GIPC3: variants seen among roughly 807,000 people sequenced by gnomAD.
GIPC3 encodes the protein PDZ domain-containing protein GIPC3.
A neutral mutation model predicts 27.3 loss-of-function variants in GIPC3; 16 were observed. The ratio of observed to expected loss-of-function variants is 0.59; its 90% CI spans 0.40 to 0.89. The LOEUF is 0.89. Ranked by LOEUF, GIPC3 falls within the 40% of genes least tolerant of loss-of-function variation. The pLI, the probability that GIPC3 is intolerant of heterozygous loss-of-function variation, is 0.00. For missense variants in GIPC3, 440 were observed against 442.1 expected (o/e 1.00, Z 0.04); for synonymous variants, 194 against 184.6 (o/e 1.05, Z -0.41).
chr19:3,589,982 C>A (rs572039441), intron 5 of GIPC3, 57 bp from the exon 6 acceptor site: 4 of 1,613,290 alleles, frequency 2.5e-6, no homozygotes, highest in South Asian at 1.1e-5. Context: ...GGGGTCCCAG[C>A]GGGAAGTTGG....
At chr19:3,589,681 T>C (rs1272355322) in intron 4 of GIPC3, 126 bp downstream of exon 4, 5 of 1,123,564 alleles carry the variant, frequency 4.5e-6, no homozygotes, top group East Asian at 2.4e-5. Context: ...TGGGTCCTCA[T>C]TGAAAAGTGG....
rs1303772906 is a variant in GIPC3, at chr19:3,592,700, C to T, written c.*2510C>T. ...AACTTAGTTCCAGAACCCAGTCCAGCTCTGAGACCGGGCTCAGCTCTGAAA... is the reference window on the plus strand; with the variant it reads ...AACTTAGTTCCAGAACCCAGTCCAGTTCTGAGACCGGGCTCAGCTCTGAAA... On this transcript the variant is annotated 3_prime_UTR_variant, in exon 6 of 6. Coordinates refer to ENST00000644452, the MANE Select transcript of GIPC3 (RefSeq NM_133261.3). The T allele has an allele frequency of 2.4e-6, 3 of 1,229,936 alleles. No homozygotes were observed. In the African/African-American group the frequency reaches 4.7e-5, roughly 19 times the overall value. 76.2% of individuals were successfully genotyped at this position (1,229,936 alleles called of 1,614,324 possible).
chr19:3,585,907 A>C, intron 1 of GIPC3, 85 bp downstream of exon 1: 1 of 1,476,986 alleles, frequency 6.8e-7, no homozygotes, highest in Non-Finnish European at 9.0e-7. Flanking sequence ...GGGAGACCCC[A>C]GATCCCCGGA....
Position 3,591,146 on chromosome 19 carries a change from G to T in GIPC3, c.*956G>T, listed in dbSNP as rs1254497062. 1.6e-6 allele frequency: 2 copies of T among 1,233,028 alleles called. No homozygotes were observed. The highest frequency in any genetic ancestry group is 2.0e-6 in the Non-Finnish European group (2 of 988,792). 76.4% of individuals were successfully genotyped at this position (1,233,028 alleles called of 1,614,324 possible). A position where few individuals can be genotyped will look rare whatever the true frequency, so the allele number is the denominator to read the frequency against. ...AGACCAAGCCCAGCTCTAGAACCCA[G>T]ATAAGCTCTGAAACCAATCCCAGCA... On this transcript the variant is annotated 3_prime_UTR_variant, in exon 6 of 6. Coordinates refer to ENST00000644452, the MANE Select transcript of GIPC3 (RefSeq NM_133261.3).
chr19:3,585,639 C>T lies in GIPC3; in HGVS notation c.42C>T (p.Thr14=), dbSNP rs2032348670. 8.4e-7 allele frequency: 1 copy of T among 1,192,992 alleles called. No individual in the cohort carries two copies. The highest frequency in any genetic ancestry group is 4.6e-5 in the Admixed American group (1 of 21,898). 73.9% of individuals were successfully genotyped at this position (1,192,992 alleles called of 1,614,324 possible). A position where few individuals can be genotyped will look rare whatever the true frequency, so the allele number is the denominator to read the frequency against. Residue 14 remains threonine (T), a synonymous_variant, in exon 1 of 6, where the codon ACC becomes ACT. Transcript: ENST00000644452. ...AAAREARGTE[T]PRASAPPPAP... is the part of the protein sequence containing the mutation. ...CCCGGGAGGCCCGGGGGACCGAGACCCCGCGCGCGTCTGCGCCCCCGCCCG... is the reference window on the plus strand; with the variant it reads ...CCCGGGAGGCCCGGGGGACCGAGACTCCGCGCGCGTCTGCGCCCCCGCCCG...
At chr19:3,588,640 CAA>C (rs969668918) in intron 3 of GIPC3, among the ~76,000 whole-genome samples, 3 of 73,992 alleles carry the variant, frequency 4.1e-5, no homozygotes, top group African/African-American at 9.2e-5. Context: ...TCCATCGTAT[CAA>C]AAAAAAAAAA....
rs766991127 is a variant in GIPC3 at position 3,589,858 on chromosome 19, C to G, written c.733C>G (p.Arg245Gly). The change falls in exon 5 of 6, where the codon CGG becomes GGG. Residue 245 changes from arginine (R) to glycine (G), a missense_variant. By Grantham distance (125) the Arg-to-Gly change is moderately radical. Transcript: ENST00000644452. Reference protein sequence around the residue: ...APSEFEEEASRKVDDLLESYM... With the variant: ...APSEFEEEASGKVDDLLESYM... The stretch of plus-strand genomic sequence containing the variant: ...CAGTGAGTTTGAGGAGGAGGCATCT[C>G]GGAAGGTTGATGACCTGCTGGAAAG... The G allele has an allele frequency of 2.5e-6, 4 of 1,613,884 alleles. No individual in the cohort carries two copies. The highest frequency in any genetic ancestry group is 1.7e-4 in the Middle Eastern group (1 of 6,044).
Position 3,591,485 on chromosome 19 carries a change from T to C in GIPC3, c.*1295T>C, listed in dbSNP as rs772584298. Reference sequence around the variant, plus strand: ...CCACGATGCAGCCACACCTGGACACTCGGTCTAGCTCCGGAACCCCAGTTA... The same window carrying C: ...CCACGATGCAGCCACACCTGGACACCCGGTCTAGCTCCGGAACCCCAGTTA... On this transcript the variant is annotated 3_prime_UTR_variant, in exon 6 of 6. Coordinates refer to ENST00000644452, the MANE Select transcript of GIPC3 (RefSeq NM_133261.3). 57 of 1,232,244 alleles carry C rather than the reference T, an allele frequency of 4.6e-5. No individual in the cohort carries two copies. The highest frequency in any genetic ancestry group is 5.8e-5 in the Non-Finnish European group (57 of 988,294). 76.3% of individuals were successfully genotyped at this position (1,232,244 alleles called of 1,614,324 possible). A position where few individuals can be genotyped will look rare whatever the true frequency, so the allele number is the denominator to read the frequency against.
rs1014054733 is a variant in GIPC3 at position 3,592,321 on chromosome 19, G to A, written c.*2131G>A. The stretch of plus-strand genomic sequence containing the variant: ...CAACTGGACTTTGGGAAGCAGAGCA[G>A]TTCTGAAAGTCAGCTTAGCTTTGGA... On this transcript the variant is annotated 3_prime_UTR_variant, in exon 6 of 6. Transcript: ENST00000644452. The A allele has an allele frequency of 2.5e-5, 31 of 1,231,956 alleles. No homozygotes were observed. The highest frequency in any genetic ancestry group is 2.7e-5 in the Non-Finnish European group (27 of 987,988). The allele number at this position is 1,231,956 out of a possible 1,614,324, so 76.3% of individuals were successfully genotyped here. A position where few individuals can be genotyped will look rare whatever the true frequency, so the allele number is the denominator to read the frequency against.
rs2032506203 is a variant in GIPC3 at position 3,592,584 on chromosome 19, C to T, written c.*2394C>T. 1 of 1,232,044 alleles carries T rather than the reference C, an allele frequency of 8.1e-7. No individual in the cohort carries two copies. Among genetic ancestry groups the T allele is most frequent in the East Asian group, 3.2e-5 (1 of 31,706 alleles). The allele number at this position is 1,232,044 out of a possible 1,614,324, so 76.3% of individuals were successfully genotyped here. On this transcript the variant is annotated 3_prime_UTR_variant, in exon 6 of 6. Coordinates refer to ENST00000644452, the MANE Select transcript of GIPC3 (RefSeq NM_133261.3). ...TGAGACCAGGCTCAGCTCTGAGGCT[C>T]AGTCCAGCTCTGGAACCCAGTTCAG...
At chr19:3,587,821 G>T (rs1694948027) in intron 3 of GIPC3, among the ~76,000 whole-genome samples, 2 of 151,272 alleles carry the variant, frequency 1.3e-5, no homozygotes, top group South Asian at 4.2e-4. Context: ...CTCCCGAGTA[G>T]CTGGGACTAC....
rs1366918259 is a variant in GIPC3 at position 3,587,058 on chromosome 19, G to A, written c.592+64G>A. 6 of 1,493,494 alleles carry A rather than the reference G, an allele frequency of 4.0e-6. No individual in the cohort carries two copies. In the African/African-American group the frequency reaches 6.9e-5, roughly 17 times the overall value. The allele number at this position is 1,493,494 out of a possible 1,614,324, so 92.5% of individuals were successfully genotyped here. A position where few individuals can be genotyped will look rare whatever the true frequency, so the allele number is the denominator to read the frequency against. ...CGTTCTACGGATGCCTGGGGTGGAG[G>A]AGGGTCGGGGATGGGACGGGCTGGA... On this transcript the variant is annotated intron_variant, in intron 3 of 5. Transcript: ENST00000644452.
Position 3,586,619 on chromosome 19 carries a change from A to T in GIPC3, c.350A>T (p.Lys117Met). ...RGETKEVEVTKTEDALGLTIT... is the reference protein window; with the variant it reads ...RGETKEVEVTMTEDALGLTIT... ...GAGACCAAGGAGGTGGAGGTCACTA[A>T]GACAGAGGATGCTCTGGGGCTGACC... is the stretch of plus-strand genomic sequence containing the variant. Residue 117 changes from lysine to methionine, a missense_variant, in exon 2 of 6, where the codon AAG becomes ATG. Physicochemically the swap from Lys to Met is moderately conservative, Grantham distance 95 (BLOSUM62 -1). Transcript: ENST00000644452. The T allele has an allele frequency of 6.2e-7, 1 of 1,610,698 alleles. No homozygotes were observed. The highest frequency in any genetic ancestry group is 8.5e-7 in the Non-Finnish European group (1 of 1,178,474).
Position 3,585,675 on chromosome 19 carries a change from G to GC in GIPC3, c.83dup (p.Ala29GlyfsTer89). 7.5e-7 allele frequency: 1 copy of GC among 1,329,164 alleles called. No homozygotes were observed. Among genetic ancestry groups the GC allele is most frequent in the Non-Finnish European group, 9.7e-7 (1 of 1,033,244 alleles). 82.3% of individuals were successfully genotyped at this position (1,329,164 alleles called of 1,614,324 possible). A position where few individuals can be genotyped will look rare whatever the true frequency, so the allele number is the denominator to read the frequency against. On this transcript the variant is annotated frameshift_variant, in exon 1 of 6. Coordinates refer to ENST00000644452, the MANE Select transcript of GIPC3 (RefSeq NM_133261.3). LOFTEE classifies it high-confidence loss of function. The stretch of plus-strand genomic sequence containing the variant: ...CTGCGCCCCCGCCCGCGCCCTCGGA[G>GC]CCCCCGGCCGCGCCCCGCGCCCGCC...
intron 3 of GIPC3, 134 bp downstream of exon 3, chr19:3,587,128 G>C: frequency 2.7e-6 from 2 of 744,026 alleles, no homozygotes; most frequent in Admixed American, 4.9e-5. Flanking sequence ...TCCTGGCAGG[G>C]TATCAGAAAC....
In GIPC3 at chr19:3,592,533, C is replaced by G. The variant is rs748588902; in HGVS notation, c.*2343C>G. 3.1e-5 allele frequency: 38 copies of G among 1,208,296 alleles called. No individual in the cohort carries two copies. Among genetic ancestry groups the G allele is most frequent in the Non-Finnish European group, 3.9e-5 (38 of 975,682 alleles). The allele number at this position is 1,208,296 out of a possible 1,614,324, so 74.8% of individuals were successfully genotyped here. On this transcript the variant is annotated 3_prime_UTR_variant, in exon 6 of 6. Coordinates refer to ENST00000644452, the MANE Select transcript of GIPC3 (RefSeq NM_133261.3). Reference sequence around the variant, plus strand: ...AATTCAGCTCAGCCCTGGAGCTCATCTTAGCTCCAGAACCCAGTCCAGTCC... The same window carrying G: ...AATTCAGCTCAGCCCTGGAGCTCATGTTAGCTCCAGAACCCAGTCCAGTCC...
Position 3,592,708 on chromosome 19 carries a change from C to CCGGGCTCAGCTCTGAAA in GIPC3, c.*2520_*2536dup. The CCGGGCTCAGCTCTGAAA allele has an allele frequency of 8.1e-7, 1 of 1,230,374 alleles. No individual in the cohort carries two copies. The highest frequency in any genetic ancestry group is 1.0e-6 in the Non-Finnish European group (1 of 986,726). The allele number at this position is 1,230,374 out of a possible 1,614,324, so 76.2% of individuals were successfully genotyped here. ...TCCAGAACCCAGTCCAGCTCTGAGACCGGGCTCAGCTCTGAAACCCAGACC... is the reference window on the plus strand; with the variant it reads ...TCCAGAACCCAGTCCAGCTCTGAGACCGGGCTCAGCTCTGAAACGGGCTCAGCTCTGAAACCCAGACC... On this transcript the variant is annotated 3_prime_UTR_variant, in exon 6 of 6. Transcript: ENST00000644452.
chr19:3,586,729 C>T, intron 2 of GIPC3, 49 bp downstream of exon 2: 4 of 1,608,834 alleles, frequency 2.5e-6, no homozygotes, highest in Middle Eastern at 1.7e-4. Flanking sequence ...CAGCAACTGC[C>T]CCCCCCACTC....
Position 3,593,207 on chromosome 19 carries a change from G to A in GIPC3, c.*3017G>A, listed in dbSNP as rs2032522710. On this transcript the variant is annotated 3_prime_UTR_variant, in exon 6 of 6. Transcript: ENST00000644452. ...GGGCAGCCCTCCTGAGTTCCCAGCT[G>A]TCTGAGTCCCCAGCTTTGGCGCCAG... is the stretch of plus-strand genomic sequence containing the variant. 3 of 1,232,348 alleles carry A rather than the reference G, an allele frequency of 2.4e-6. No individual in the cohort carries two copies. The highest frequency in any genetic ancestry group is 4.1e-5 in the South Asian group (1 of 24,326). The allele number at this position is 1,232,348 out of a possible 1,614,324, so 76.3% of individuals were successfully genotyped here.
Sources: allele counts gnomAD v4.1 joint callset (sites outside exome capture counted in the v4.1 genomes callset), GRCh38; gene constraint gnomAD v4.1.1; transcripts MANE v1.5; gene names NCBI Gene and HGNC (gene_info 2026-07-23, HGNC 2026-07-21).